The following TTN variants were observed in gnomAD, a reference collection of about 807,000 sequenced individuals.
The protein encoded by TTN is connectin.
Under a neutral mutation model 3,223.0 loss-of-function variants are expected in TTN, and 1,525 were observed. The observed-to-expected ratio is 0.47, with a 90% CI of 0.45 to 0.49. The LOEUF (loss-of-function observed/expected upper bound fraction) is 0.49, where lower values mean the gene tolerates loss of function less well. Among genes scored for constraint, TTN ranks in the 20% least tolerant of loss-of-function variants. The pLI, the probability that TTN is intolerant of heterozygous loss-of-function variation, is 0.00. For synonymous variants in TTN, 14,094 were observed against 15,161.0 expected, an observed-to-expected ratio of 0.93 and a Z score of 5.17; for missense variants, 40,786 against 43,424.0, an observed-to-expected ratio of 0.94 and a Z score of 5.40.
In TTN at chr2:178,738,321, A is replaced by T; in HGVS notation, c.14132T>A (p.Val4711Glu). The change falls in exon 49 of 363, where the codon GTA becomes GAA. Residue 4711 changes from valine (V) to glutamate (E), a missense_variant. Coordinates refer to ENST00000589042, the MANE Select transcript of TTN (RefSeq NM_001267550.2). ...VIKRKIEPLE[V>E]ALGHLAKFTC... ...GAATTTGGCTAGGTGGCCCAGTGCT[A>T]CTTCCAGGGGTTCGATTTTCCTCTT... is the stretch of plus-strand genomic sequence containing the variant. 2 of 1,613,278 alleles carry T rather than the reference A, an allele frequency of 1.2e-6. No individual in the cohort carries two copies. The highest frequency in any genetic ancestry group is 1.7e-6 in the Non-Finnish European group (2 of 1,179,538).
chr2:178,793,240 C>G (rs1248080984), intron 9 of TTN, among the ~76,000 whole-genome samples, 164 bp downstream of exon 9: 1 of 152,324 alleles, frequency 6.6e-6, no homozygotes, highest in East Asian at 1.9e-4. Context: ...CACTACCAAA[C>G]TTTGGTATCC....
intron 40 of TTN, 123 bp from the exon 41 acceptor site, chr2:178,766,735 T>C (rs2090505527): frequency 1.3e-6 from 1 of 750,458 alleles, no homozygotes; most frequent in South Asian, 1.6e-5. Context: ...TATATTATAA[T>C]GTAATAAGTT....
At position 178,704,218 on chromosome 2, in the gene TTN, C is replaced by T. The variant is rs772291213; in HGVS notation, c.30152G>A (p.Arg10051Gln). ...KVHKLTIADV[R>Q]AEDQGQYTCK... ...GGTGTACTGACCCTGGTCTTCTGCTCGAACATCTGCAATGGTCAATTTATG... is the reference window on the plus strand; with the variant it reads ...GGTGTACTGACCCTGGTCTTCTGCTTGAACATCTGCAATGGTCAATTTATG... The change falls in exon 106 of 363, where the codon CGA becomes CAA. Residue 10051 changes from arginine (R) to glutamine (Q), a missense_variant. Physicochemically the swap from Arg to Gln is conservative, Grantham distance 43. Transcript: ENST00000589042. The T allele has an allele frequency of 9.3e-6, 15 of 1,613,814 alleles. No individual in the cohort carries two copies. Among genetic ancestry groups the T allele is most frequent in the African/African-American group, 4.0e-5 (3 of 74,924 alleles).
rs2050915720 is a variant in TTN at position 178,594,240 on chromosome 2, G to A, written c.58153C>T (p.Pro19385Ser). The A allele has an allele frequency of 6.2e-7, 1 of 1,603,218 alleles. No homozygotes were observed. Among genetic ancestry groups the A allele is most frequent in the African/African-American group, 1.4e-5 (1 of 73,912 alleles). ...CTGAAGTCGAGGTGAAGCGTTGGGG[G>A]TGCTAAAATTTGTAATTATAAAGGC... ...KPITCKDELAPPTLHLDFRDK... is the reference protein window; with the variant it reads ...KPITCKDELASPTLHLDFRDK... The change falls in exon 297 of 363, where the codon CCC becomes TCC. Residue 19385 changes from proline (P) to serine (S), a missense_variant and splice_region_variant. By Grantham distance (74) the Pro-to-Ser change is moderately conservative. Coordinates refer to ENST00000589042, the MANE Select transcript of TTN (RefSeq NM_001267550.2).
chr2:178,546,521 GAT>G lies in TTN; in HGVS notation c.94829-21_94829-20del. On this transcript the variant is annotated intron_variant, in intron 341 of 362. Coordinates refer to ENST00000589042, the MANE Select transcript of TTN (RefSeq NM_001267550.2). ...GGTGGAGCTGTCAGTAGGCAAAACA[GAT>G]ATGAATGAATATCTGAGAGTTTATT... The G allele has an allele frequency of 6.2e-7, 1 of 1,603,622 alleles. No homozygotes were observed. Among genetic ancestry groups the G allele is most frequent in the East Asian group, 2.2e-5 (1 of 44,572 alleles).
intron 13 of TTN, among the ~76,000 whole-genome samples, chr2:178,786,641 A>G (rs1245410358): frequency 6.6e-6 from 1 of 152,204 alleles, no homozygotes; most frequent in Non-Finnish European, 1.5e-5. Flanking sequence ...TTGCATGCAA[A>G]TCGGACATAA....
rs1482277729 is a variant in TTN at position 178,723,971 on chromosome 2, A to T, written c.21288T>A (p.Asp7096Glu). ...AATTCAACTGCAATGTGCAGACATT[A>T]TCTGAAAATGTGGTTTGGTACTTTG... ...SGAKYQTTFS[D>E]NVCTLQLNSL... The change falls in exon 73 of 363, where the codon GAT (aspartate) becomes GAA (glutamate). Residue 7096 changes from aspartate to glutamate, a missense_variant. Physicochemically the swap from Asp to Glu is conservative, Grantham distance 45 (BLOSUM62 2). Coordinates refer to ENST00000589042, the MANE Select transcript of TTN (RefSeq NM_001267550.2). 9 of 1,613,624 alleles carry T rather than the reference A, an allele frequency of 5.6e-6. No homozygotes were observed. Among genetic ancestry groups the T allele is most frequent in the African/African-American group, 4.0e-5 (3 of 75,042 alleles).
chr2:178,717,244 C>T lies in TTN; in HGVS notation c.25490G>A (p.Arg8497His), dbSNP rs149855485. ...AGTCATCTTGTAGTTGCCTCCAGGG[C>T]GAATCTCTCGGTTATCTTTGGCCCA... ...ITWAKDNREI[R>H]PGGNYKMTLV... is the part of the protein sequence containing the mutation. Residue 8497 changes from arginine to histidine, a missense_variant, in exon 88 of 363, where the codon CGC becomes CAC. Physicochemically the swap from Arg to His is conservative, Grantham distance 29. Coordinates refer to ENST00000589042, the MANE Select transcript of TTN (RefSeq NM_001267550.2). The T allele has an allele frequency of 2.2e-3, 3,564 of 1,613,648 alleles. 52 individuals carry two copies. Among genetic ancestry groups the T allele is most frequent in the South Asian group, 0.021 (1,933 of 91,068 alleles).
At chr2:178,707,881 C>A (rs2076109756) in intron 99 of TTN, 68 bp from the exon 100 acceptor site, 3 of 1,500,460 alleles carry the variant, frequency 2.0e-6, no homozygotes, top group Non-Finnish European at 2.7e-6. Flanking sequence ...ACAAGAGAAA[C>A]AAATAAAGAG....
chr2:178,696,297 TATTA>T (rs1160337890), intron 113 of TTN, 28 bp from the exon 114 acceptor site: 3 of 1,463,916 alleles, frequency 2.0e-6, no homozygotes, highest in Non-Finnish European at 2.7e-6. Context: ...ACTATTAGCA[TATTA>T]ATTCTATCCA....
chr2:178,766,324 A>T lies in TTN; in HGVS notation c.9703+57T>A, dbSNP rs2090412804. On this transcript the variant is annotated intron_variant, in intron 41 of 362. Transcript: ENST00000589042. ...AAGTTACAAGAATTTAGTGACTTAA[A>T]CAGGAGGATTATTTCTGATGGATCC... 17 of 1,351,062 alleles carry T rather than the reference A, an allele frequency of 1.3e-5. No homozygotes were observed. The Middle Eastern group carries it at 2.1e-3, about 170-fold the overall frequency. The allele number at this position is 1,351,062 out of a possible 1,614,324, so 83.7% of individuals were successfully genotyped here. A position where few individuals can be genotyped will look rare whatever the true frequency, so the allele number is the denominator to read the frequency against.
At chr2:178,659,534 G>A (rs922278849) in intron 180 of TTN, among the ~76,000 whole-genome samples, 9 of 150,046 alleles carry the variant, frequency 6.0e-5, no homozygotes, top group Non-Finnish European at 1.0e-4. Flanking sequence ...GGTATTGATG[G>A]GACGTATCTC....
chr2:178,577,348 A>G lies in TTN; in HGVS notation c.68987T>C (p.Ile22996Thr), dbSNP rs971749433. The G allele has an allele frequency of 1.2e-6, 2 of 1,612,840 alleles. No homozygotes were observed. The highest frequency in any genetic ancestry group is 4.5e-5 in the East Asian group (2 of 44,744). Reference protein sequence around the residue: ...KDIRPSDITQITSTPTSSMLT... With the variant: ...KDIRPSDITQTTSTPTSSMLT... ...CATGGAAGATGTTGGGGTTGAAGTT[A>G]TCTGAGTGATATCTGATGGTCTAAT... The change falls in exon 324 of 363, where the codon ATA becomes ACA. Residue 22996 changes from isoleucine to threonine, a missense_variant. Ile to Thr is a moderately conservative substitution (Grantham distance 89). Transcript: ENST00000589042.
intron 359 of TTN, among the ~76,000 whole-genome samples, chr2:178,529,540 T>C (rs536079087): frequency 2.0e-4 from 31 of 152,360 alleles, no homozygotes; most frequent in African/African-American, 7.2e-4. Context: ...CATTAAATTA[T>C]CTTTCAGAAG....
chr2:178,601,801 A>C lies in TTN; in HGVS notation c.55303-14T>G, dbSNP rs1417143744. ...AGCAGTCTCCAGCTGTACAAAGAAAATAGTAGTCATACATTGAATGAAATC... is the reference window on the plus strand; with the variant it reads ...AGCAGTCTCCAGCTGTACAAAGAAACTAGTAGTCATACATTGAATGAAATC... On this transcript the variant is annotated splice_polypyrimidine_tract_variant and intron_variant, in intron 285 of 362. Transcript: ENST00000589042. The C allele has an allele frequency of 6.2e-7, 1 of 1,601,730 alleles. No individual in the cohort carries two copies. Among genetic ancestry groups the C allele is most frequent in the Admixed American group, 1.7e-5 (1 of 58,090 alleles).
At chr2:178,738,717 T>G (rs2081964767) in intron 48 of TTN, among the ~76,000 whole-genome samples, 2 of 150,516 alleles carry the variant, frequency 1.3e-5, no homozygotes, top group Admixed American at 1.3e-4. Flanking sequence ...AGTGATGAAG[T>G]GAAACAACAA....
intron 48 of TTN, 63 bp from the exon 49 acceptor site, chr2:178,738,423 T>A (rs1398136939): frequency 6.6e-7 from 1 of 1,506,834 alleles, no homozygotes; most frequent in African/African-American, 1.4e-5. Context: ...TTTTTGTTTT[T>A]CTTCTAACTT....
chr2:178,586,944 T>C lies in TTN; in HGVS notation c.64094-137A>G, dbSNP rs912561963. On this transcript the variant is annotated intron_variant, in intron 307 of 362. Coordinates refer to ENST00000589042, the MANE Select transcript of TTN (RefSeq NM_001267550.2). ...AGTTCAGTACATTAAAAGCAAAACA[T>C]ATAAGATGAGACAGATCAAAAAAGT... The C allele has an allele frequency of 5.1e-6, 7 of 1,362,048 alleles. No homozygotes were observed. In the East Asian group the frequency reaches 1.6e-4, roughly 32 times the overall value. The allele number at this position is 1,362,048 out of a possible 1,614,324, so 84.4% of individuals were successfully genotyped here.
At position 178,773,657 on chromosome 2, in the gene TTN, T is replaced by C. The variant is rs1362423521; in HGVS notation, c.7399A>G (p.Lys2467Glu). 6.2e-6 allele frequency: 10 copies of C among 1,613,936 alleles called. No individual in the cohort carries two copies. The highest frequency in any genetic ancestry group is 8.5e-6 in the Non-Finnish European group (10 of 1,179,972). Residue 2467 changes from lysine to glutamate, a missense_variant, in exon 32 of 363, where the codon AAG becomes GAG. By Grantham distance (56) the Lys-to-Glu change is moderately conservative. Coordinates refer to ENST00000589042, the MANE Select transcript of TTN (RefSeq NM_001267550.2). ...IEGTKAVLEC[K>E]VSVPDVTSVK... Reference sequence around the variant, plus strand: ...GAAGTCACATCAGGGACTGACACCTTACATTCAAGCACAGCCTTGGTGCCT... The same window carrying C: ...GAAGTCACATCAGGGACTGACACCTCACATTCAAGCACAGCCTTGGTGCCT...
Sources: allele counts gnomAD v4.1 joint callset (sites outside exome capture counted in the v4.1 genomes callset), GRCh38; gene constraint gnomAD v4.1.1; transcripts MANE v1.5; gene names NCBI Gene and HGNC (gene_info 2026-07-23, HGNC 2026-07-21).